ITPR1: variants seen among roughly 807,000 people sequenced by gnomAD.
ITPR1 encodes the protein inositol 1,4,5-trisphosphate-gated calcium channel ITPR1.
ITPR1 carries 96 observed loss-of-function variants against 318.4 expected under a neutral mutation model. That is an observed-to-expected ratio of 0.30 (90% CI 0.26 to 0.36). The LOEUF (loss-of-function observed/expected upper bound fraction) is 0.36. Ranked by LOEUF, ITPR1 falls within the 10% of genes least tolerant of loss-of-function variation. ITPR1 has a pLI of 1.00. For synonymous variants in ITPR1, 1,312 were observed against 1,289.9 expected (o/e 1.02, Z -0.37); for missense variants, 2,440 against 3,460.2 (o/e 0.71, Z 7.40).
At chr3:4,792,073 C>T (rs564781833) in intron 52 of ITPR1, among the ~76,000 whole-genome samples, 6 of 152,302 alleles carry the variant, frequency 3.9e-5, no homozygotes, top group South Asian at 2.1e-4. Context: ...CTGTGGCCCC[C>T]GGCCCCTCCC....
At chr3:4,796,969 C>T (rs983382623) in intron 53 of ITPR1, among the ~76,000 whole-genome samples, 1 of 152,078 alleles carries the variant, frequency 6.6e-6, no homozygotes, top group Non-Finnish European at 1.5e-5. Context: ...GCTTGAGATC[C>T]CCTGGATGGT....
In ITPR1 at chr3:4,563,335, G is replaced by A. The variant is rs552772850; in HGVS notation, c.163+42241G>A. Among the ~76,000 whole-genome samples the A allele has an allele frequency of 1.2e-3, 188 of 152,056 alleles. 1 individual carries two copies. Among genetic ancestry groups the A allele is most frequent in the African/African-American group, 4.2e-3 (175 of 41,462 alleles). ...CCAGCCCGGGCAACATAGGGACACC[G>A]TACGTCTACAAAGAATAAAAAAAAT... On this transcript the variant is annotated intron_variant, in intron 4 of 61. Transcript: ENST00000649015.
intron 53 of ITPR1, among the ~76,000 whole-genome samples, chr3:4,795,460 C>G (rs930821882): frequency 6.6e-6 from 1 of 152,200 alleles, no homozygotes; most frequent in Admixed American, 6.5e-5. Context: ...TCAGCCCCTT[C>G]TTTTATATAT....
intron 4 of ITPR1, among the ~76,000 whole-genome samples, chr3:4,621,531 C>A (rs2092634053): frequency 6.6e-6 from 1 of 152,194 alleles, no homozygotes; most frequent in Non-Finnish European, 1.5e-5. Flanking sequence ...AGATCCAAAC[C>A]ATATCAATCA....
intron 10 of ITPR1, among the ~76,000 whole-genome samples, chr3:4,651,869 C>T (rs3796336): frequency 6.6e-6 from 1 of 152,074 alleles, no homozygotes; most frequent in African/African-American, 2.4e-5. Flanking sequence ...AGGCAAATAA[C>T]CTGAAAACCA....
chr3:4,600,495 T>C (rs930321774), intron 4 of ITPR1, among the ~76,000 whole-genome samples: 10 of 151,810 alleles, frequency 6.6e-5, no homozygotes, highest in African/African-American at 2.4e-4. Flanking sequence ...TGTGTGTGTG[T>C]GTGTGCGTGT....
chr3:4,830,027 G>A (rs1453845023), intron 60 of ITPR1, among the ~76,000 whole-genome samples: 2 of 133,074 alleles, frequency 1.5e-5, no homozygotes, highest in Non-Finnish European at 3.1e-5. Context: ...AGGCTGGAGT[G>A]CATTGGCACC....
At chr3:4,513,704 T>G (rs420944) in intron 2 of ITPR1, among the ~76,000 whole-genome samples, 96,903 of 152,048 alleles carry the variant, frequency 0.64, 31,058 homozygotes, top group East Asian at 0.8. Flanking sequence ...GAAACTCAGT[T>G]CTCCATAATC....
Position 4,680,544 on chromosome 3 carries a change from A to T in ITPR1, c.2968-9A>T. On this transcript the variant is annotated splice_polypyrimidine_tract_variant and intron_variant, in intron 24 of 61. Coordinates refer to ENST00000649015, the MANE Select transcript of ITPR1 (RefSeq NM_001378452.1). ...ACCAATCTGTTTCCATTTCCACTTG[A>T]ATCTTTAGTTTATTTTGAATGTGAG... 1.2e-6 allele frequency: 2 copies of T among 1,612,408 alleles called. No individual in the cohort carries two copies. The highest frequency in any genetic ancestry group is 1.3e-5 in the African/African-American group (1 of 74,998).
intron 4 of ITPR1, among the ~76,000 whole-genome samples, chr3:4,614,637 A>C (rs1222486783): frequency 6.6e-6 from 1 of 152,226 alleles, no homozygotes; most frequent in African/African-American, 2.4e-5. Context: ...TGAACACTTT[A>C]GTGCTTCCAG....
At chr3:4,758,803 C>T (rs529000905) in intron 44 of ITPR1, among the ~76,000 whole-genome samples, 8 of 152,276 alleles carry the variant, frequency 5.3e-5, no homozygotes, top group South Asian at 2.1e-4. Flanking sequence ...GCCATGTGAT[C>T]GTGGGCAATT....
chr3:4,586,332 T>C (rs1157744114), intron 4 of ITPR1, among the ~76,000 whole-genome samples: 1 of 152,182 alleles, frequency 6.6e-6, no homozygotes, highest in African/African-American at 2.4e-5. Flanking sequence ...GCTAGTCATA[T>C]CCTTGGTTTA....
intron 5 of ITPR1, among the ~76,000 whole-genome samples, chr3:4,628,429 G>C (rs941965326): frequency 4.6e-5 from 7 of 152,180 alleles, no homozygotes; most frequent in Admixed American, 4.6e-4. Flanking sequence ...CTGACGTGCT[G>C]TGTGACCATA....
intron 42 of ITPR1, among the ~76,000 whole-genome samples, chr3:4,732,351 A>G (rs1252228870): frequency 6.6e-6 from 1 of 152,236 alleles, no homozygotes; most frequent in African/African-American, 2.4e-5. Context: ...GAAACCCCTC[A>G]TTCATAACTC....
At chr3:4,809,589 T>A (rs2106483608) in intron 55 of ITPR1, among the ~76,000 whole-genome samples, 1 of 136,330 alleles carries the variant, frequency 7.3e-6, no homozygotes, top group East Asian at 2.3e-4. Flanking sequence ...AGTGACTTTT[T>A]TTCCTTTGTG....
At chr3:4,603,973 G>T (rs956164926) in intron 4 of ITPR1, among the ~76,000 whole-genome samples, 9 of 152,148 alleles carry the variant, frequency 5.9e-5, no homozygotes, top group Admixed American at 4.6e-4. Context: ...CCTTTTCTCT[G>T]CAACCTCTCT....
At chr3:4,697,295 G>A (rs1225613832) in intron 34 of ITPR1, 23 bp downstream of exon 34, 5 of 1,546,596 alleles carry the variant, frequency 3.2e-6, no homozygotes, top group Non-Finnish European at 4.4e-6. Flanking sequence ...GAACTGAGGA[G>A]GCAGAGTTGG....
At chr3:4,711,544 C>T (rs1323615525) in intron 38 of ITPR1, 6 of 536,348 alleles carry the variant, frequency 1.1e-5, no homozygotes, top group Non-Finnish European at 2.0e-5. Flanking sequence ...CCCAGTGAGC[C>T]TGTTTGCTGT....
intron 3 of ITPR1, among the ~76,000 whole-genome samples, chr3:4,518,623 C>T (rs2082332202): frequency 6.6e-6 from 1 of 152,122 alleles, no homozygotes; most frequent in Middle Eastern, 3.2e-3. Flanking sequence ...TGTAGCACTC[C>T]AGCCCCATCC....
Sources: allele counts gnomAD v4.1 joint callset (sites outside exome capture counted in the v4.1 genomes callset), GRCh38; gene constraint gnomAD v4.1.1; transcripts MANE v1.5; gene names NCBI Gene and HGNC (gene_info 2026-07-23, HGNC 2026-07-21).